GDF7: variants seen among roughly 807,000 people sequenced by gnomAD.
GDF7 encodes the protein growth/differentiation factor 7.
GDF7 carries 12 observed loss-of-function variants against 13.4 expected under a neutral mutation model. The observed-to-expected ratio is 0.90, with a 90% CI of 0.57 to 1.45. The LOEUF (loss-of-function observed/expected upper bound fraction) is 1.45. GDF7 is among the 40% of genes most tolerant of loss of function. The pLI is 0.00. For synonymous variants in GDF7, 330 were observed against 306.4 expected (o/e 1.08, Z -0.80); for missense variants, 651 against 652.4 (o/e 1.00, Z 0.02).
rs1662211619 is a variant in GDF7, at chr2:20,675,863, G to T, written c.*4438G>T. 6.6e-6 allele frequency: 1 copy of T among 152,356 alleles called. No individual in the cohort carries two copies. The highest frequency in any genetic ancestry group is 6.5e-5 in the Admixed American group (1 of 15,282). The allele number at this position is 152,356 out of a possible 1,614,324, so 9.4% of individuals were successfully genotyped here. A position where few individuals can be genotyped will look rare whatever the true frequency, so the allele number is the denominator to read the frequency against. On this transcript the variant is annotated 3_prime_UTR_variant, in exon 2 of 2. Coordinates refer to ENST00000272224, the MANE Select transcript of GDF7 (RefSeq NM_182828.4). ...TTTGAATTCCCCTGGGCTGAGGTAG[G>T]TGTGGGGAGGGCCCGCACCTTGAGG...
At position 20,673,486 on chromosome 2, in the gene GDF7, A is replaced by T. The variant is rs565326421; in HGVS notation, c.*2061A>T. The T allele has an allele frequency of 2.4e-4, 37 of 152,242 alleles. No homozygotes were observed. The highest frequency in any genetic ancestry group is 8.7e-4 in the African/African-American group (36 of 41,498). 9.4% of individuals were successfully genotyped at this position (152,242 alleles called of 1,614,324 possible). Reference sequence around the variant, plus strand: ...TTGTCATAATGAAGAATTATATATTAAAAAAAGCACTGAAGTGTTGAAAGT... The same window carrying T: ...TTGTCATAATGAAGAATTATATATTTAAAAAAGCACTGAAGTGTTGAAAGT... On this transcript the variant is annotated 3_prime_UTR_variant, in exon 2 of 2. Coordinates refer to ENST00000272224, the MANE Select transcript of GDF7 (RefSeq NM_182828.4).
chr2:20,667,458 G>C lies in GDF7; in HGVS notation c.219G>C (p.Ala73=), dbSNP rs746151542. The C allele has an allele frequency of 8.1e-5, 95 of 1,169,852 alleles. No individual in the cohort carries two copies. Among genetic ancestry groups the C allele is most frequent in the Non-Finnish European group, 9.6e-5 (90 of 942,348 alleles). The allele number at this position is 1,169,852 out of a possible 1,614,324, so 72.5% of individuals were successfully genotyped here. Residue 73 remains alanine (A), a synonymous_variant, in exon 1 of 2, where the codon GCG becomes GCC. Coordinates refer to ENST00000272224, the MANE Select transcript of GDF7 (RefSeq NM_182828.4). The surrounding 1 kb of genome is among the most constrained non-coding windows in gnomAD (Gnocchi z 6.4). ...PAAAVPRARA[A]RRAAGSGFRN... ...CCGCGGTTCCCCGGGCCCGCGCCGC[G>C]CGCCGCGCCGCGGGCTCCGGCTTCA...
In GDF7 at chr2:20,676,418, TCTGTG is replaced by T. The variant is rs1156232818; in HGVS notation, c.*4998_*5002del. ...GCTGCAGCACAGCTGTCTTCCTCCCTCTGTGCTGTTCTGGACTTTAATCTGTGTGC... is the reference window on the plus strand; with the variant it reads ...GCTGCAGCACAGCTGTCTTCCTCCCTCTGTTCTGGACTTTAATCTGTGTGC... On this transcript the variant is annotated 3_prime_UTR_variant, in exon 2 of 2. Coordinates refer to ENST00000272224, the MANE Select transcript of GDF7 (RefSeq NM_182828.4). 1 of 152,238 alleles carries T rather than the reference TCTGTG, an allele frequency of 6.6e-6. No homozygotes were observed. Among genetic ancestry groups the T allele is most frequent in the Non-Finnish European group, 1.5e-5 (1 of 68,042 alleles). The allele number at this position is 152,238 out of a possible 1,614,324, so 9.4% of individuals were successfully genotyped here.
rs1310522505 is a variant in GDF7 at position 20,673,983 on chromosome 2, G to A, written c.*2558G>A. ...TGGCATCTCAGTCCATTCACTAGGT[G>A]AATGCAGAGGATCCATTTCACTTGT... On this transcript the variant is annotated 3_prime_UTR_variant, in exon 2 of 2. Transcript: ENST00000272224. 1 of 152,256 alleles carries A rather than the reference G, an allele frequency of 6.6e-6. No homozygotes were observed. The highest frequency in any genetic ancestry group is 1.9e-4 in the East Asian group (1 of 5,202). 9.4% of individuals were successfully genotyped at this position (152,256 alleles called of 1,614,324 possible).
At chr2:20,670,337 C>A in intron 1 of GDF7, 127 bp from the exon 2 acceptor site, 1 of 1,072,076 alleles carries the variant, frequency 9.3e-7, no homozygotes, top group Non-Finnish European at 1.3e-6. Flanking sequence ...CGGGCGCTGG[C>A]TCCAACAGGC....
rs1662212515 is a variant in GDF7 at position 20,675,933 on chromosome 2, C to G, written c.*4508C>G. 1 of 152,314 alleles carries G rather than the reference C, an allele frequency of 6.6e-6. No homozygotes were observed. The highest frequency in any genetic ancestry group is 1.5e-5 in the Non-Finnish European group (1 of 68,132). 9.4% of individuals were successfully genotyped at this position (152,314 alleles called of 1,614,324 possible). A position where few individuals can be genotyped will look rare whatever the true frequency, so the allele number is the denominator to read the frequency against. ...AGCCAGGAGCTGGCTGAGGGCACTG[C>G]CCATCCAGCTGCAGTTCCTCCTGTG... On this transcript the variant is annotated 3_prime_UTR_variant, in exon 2 of 2. Coordinates refer to ENST00000272224, the MANE Select transcript of GDF7 (RefSeq NM_182828.4).
At position 20,670,629 on chromosome 2, in the gene GDF7, C is replaced by G; in HGVS notation, c.557C>G (p.Pro186Arg). The change falls in exon 2 of 2, where the codon CCG (proline) becomes CGG (arginine). Residue 186 changes from proline to arginine, a missense_variant. Pro to Arg is a moderately radical substitution (Grantham distance 103). Transcript: ENST00000272224. ...CCGTTGCTGCTGCTGTCCACGTGCC[C>G]GGGCGCCGCCCGAGCGCCACGCCTG... ...SPPLLLLSTC[P>R]GAARAPRLLY... 1.3e-6 allele frequency: 2 copies of G among 1,567,396 alleles called. No homozygotes were observed. Among genetic ancestry groups the G allele is most frequent in the Non-Finnish European group, 1.7e-6 (2 of 1,159,988 alleles).
Position 20,676,997 on chromosome 2 carries a change from G to A in GDF7, c.*5572G>A, listed in dbSNP as rs1662239201. ...CGCATGTGTCTGTGACAACAGAAAGGGTGGGTTTCTCTCACACGTTTCCCT... is the reference window on the plus strand; with the variant it reads ...CGCATGTGTCTGTGACAACAGAAAGAGTGGGTTTCTCTCACACGTTTCCCT... On this transcript the variant is annotated 3_prime_UTR_variant, in exon 2 of 2. Coordinates refer to ENST00000272224, the MANE Select transcript of GDF7 (RefSeq NM_182828.4). 1 of 152,238 alleles carries A rather than the reference G, an allele frequency of 6.6e-6. No individual in the cohort carries two copies. The highest frequency in any genetic ancestry group is 1.5e-5 in the Non-Finnish European group (1 of 68,062). The allele number at this position is 152,238 out of a possible 1,614,324, so 9.4% of individuals were successfully genotyped here.
At position 20,676,417 on chromosome 2, in the gene GDF7, C is replaced by T. The variant is rs1390222013; in HGVS notation, c.*4992C>T. 1 of 152,278 alleles carries T rather than the reference C, an allele frequency of 6.6e-6. No homozygotes were observed. Among genetic ancestry groups the T allele is most frequent in the Non-Finnish European group, 1.5e-5 (1 of 68,056 alleles). The allele number at this position is 152,278 out of a possible 1,614,324, so 9.4% of individuals were successfully genotyped here. A position where few individuals can be genotyped will look rare whatever the true frequency, so the allele number is the denominator to read the frequency against. ...GGCTGCAGCACAGCTGTCTTCCTCC[C>T]TCTGTGCTGTTCTGGACTTTAATCT... On this transcript the variant is annotated 3_prime_UTR_variant, in exon 2 of 2. Coordinates refer to ENST00000272224, the MANE Select transcript of GDF7 (RefSeq NM_182828.4).
In GDF7 at chr2:20,674,128, C is replaced by G. The variant is rs1299598576; in HGVS notation, c.*2703C>G. On this transcript the variant is annotated 3_prime_UTR_variant, in exon 2 of 2. Coordinates refer to ENST00000272224, the MANE Select transcript of GDF7 (RefSeq NM_182828.4). ...GTTCTGCCAGCACAGTTGGTAGTAG[C>G]ACCCTGAGCTCTCTGTCTTCTAGGT... The G allele has an allele frequency of 1.3e-5, 2 of 152,220 alleles. No homozygotes were observed. The highest frequency in any genetic ancestry group is 4.8e-5 in the African/African-American group (2 of 41,456). The allele number at this position is 152,220 out of a possible 1,614,324, so 9.4% of individuals were successfully genotyped here.
chr2:20,677,742 C>G lies in GDF7; in HGVS notation c.*6317C>G, dbSNP rs897763664. ...CACCGAAGCTGGTGAGCTGGTGCAA[C>G]TGCACACACCTTTTCTCTGGTTTTT... On this transcript the variant is annotated 3_prime_UTR_variant, in exon 2 of 2. Transcript: ENST00000272224. 1.3e-5 allele frequency: 2 copies of G among 152,276 alleles called. No individual in the cohort carries two copies. Among genetic ancestry groups the G allele is most frequent in the African/African-American group, 4.8e-5 (2 of 41,474 alleles). 9.4% of individuals were successfully genotyped at this position (152,276 alleles called of 1,614,324 possible). A position where few individuals can be genotyped will look rare whatever the true frequency, so the allele number is the denominator to read the frequency against.
rs1553327135 is a variant in GDF7, at chr2:20,667,459, CG to C, written c.221del (p.Arg74ProfsTer19). On this transcript the variant is annotated frameshift_variant, in exon 1 of 2. Coordinates refer to ENST00000272224, the MANE Select transcript of GDF7 (RefSeq NM_182828.4). LOFTEE classifies it high-confidence loss of function. The surrounding 1 kb of genome is among the most constrained non-coding windows in gnomAD (Gnocchi z 6.4). ...CGCGGTTCCCCGGGCCCGCGCCGCG[CG>C]CCGCGCCGCGGGCTCCGGCTTCAGG... ...AAAVPRARAA[R>X]RAAGSGFRNG... 1 of 1,174,234 alleles carries C rather than the reference CG, an allele frequency of 8.5e-7. No individual in the cohort carries two copies. The highest frequency in any genetic ancestry group is 1.1e-6 in the Non-Finnish European group (1 of 944,228). 72.7% of individuals were successfully genotyped at this position (1,174,234 alleles called of 1,614,324 possible). A position where few individuals can be genotyped will look rare whatever the true frequency, so the allele number is the denominator to read the frequency against.
rs910089661 is a variant in GDF7 at position 20,676,681 on chromosome 2, C to T, written c.*5256C>T. The stretch of plus-strand genomic sequence containing the variant: ...CTGCCCATGACCTGCAGGTACCCAC[C>T]TTAACCAGAGCTTGGCTTGTGGCCT... On this transcript the variant is annotated 3_prime_UTR_variant, in exon 2 of 2. Transcript: ENST00000272224. The T allele has an allele frequency of 3.9e-5, 6 of 152,256 alleles. No individual in the cohort carries two copies. The highest frequency in any genetic ancestry group is 1.4e-4 in the African/African-American group (6 of 41,464). The allele number at this position is 152,256 out of a possible 1,614,324, so 9.4% of individuals were successfully genotyped here.
Position 20,676,024 on chromosome 2 carries a change from C to G in GDF7, c.*4599C>G, listed in dbSNP as rs1326852785. ...CTGAGAGACCTAGTGCTGGGAAGGG[C>G]TCTACCTGCTGCTGGGGCCTCTGCA... is the stretch of plus-strand genomic sequence containing the variant. On this transcript the variant is annotated 3_prime_UTR_variant, in exon 2 of 2. Coordinates refer to ENST00000272224, the MANE Select transcript of GDF7 (RefSeq NM_182828.4). 6.6e-6 allele frequency: 1 copy of G among 152,560 alleles called. No homozygotes were observed. The highest frequency in any genetic ancestry group is 1.9e-4 in the East Asian group (1 of 5,174). The allele number at this position is 152,560 out of a possible 1,614,324, so 9.5% of individuals were successfully genotyped here.
rs759625476 is a variant in GDF7, at chr2:20,670,752, C to G, written c.680C>G (p.Pro227Arg). The G allele has an allele frequency of 1.3e-5, 19 of 1,485,084 alleles. No homozygotes were observed. In the Middle Eastern group the frequency reaches 6.1e-4, roughly 48 times the overall value. The allele number at this position is 1,485,084 out of a possible 1,614,324, so 92.0% of individuals were successfully genotyped here. The change falls in exon 2 of 2, where the codon CCC becomes CGC. Residue 227 changes from proline to arginine, a missense_variant. By Grantham distance (103) the Pro-to-Arg change is moderately radical. This residue lies in a region of GDF7 where 487 missense variants were observed against 445.9 expected (regional missense o/e 1.09). Coordinates refer to ENST00000272224, the MANE Select transcript of GDF7 (RefSeq NM_182828.4). ...MRRHRREPRP[P>R]RAFCLLLRAV... ...CGCCACCGTCGTGAACCGCGCCCCC[C>G]CCGCGCGTTCTGCCTCTTGCTGCGC... is the stretch of plus-strand genomic sequence containing the variant.
Position 20,671,477 on chromosome 2 carries a change from A to G in GDF7, c.*52A>G, listed in dbSNP as rs1430438671. ...CGCGGCCGAGGATCCCCAGCTGATG[A>G]GCAGCAGCGGGCCACCCTGTCACCG... On this transcript the variant is annotated 3_prime_UTR_variant, in exon 2 of 2. Coordinates refer to ENST00000272224, the MANE Select transcript of GDF7 (RefSeq NM_182828.4). 2.6e-6 allele frequency: 4 copies of G among 1,566,118 alleles called. No homozygotes were observed. In the East Asian group the frequency reaches 9.2e-5, roughly 36 times the overall value.
At position 20,667,744 on chromosome 2, in the gene GDF7, C is replaced by G; in HGVS notation, c.391+114C>G. On this transcript the variant is annotated intron_variant, in intron 1 of 1. Transcript: ENST00000272224. The surrounding 1 kb of genome is among the most constrained non-coding windows in gnomAD (Gnocchi z 6.4). ...GAGCCGCGGCCCCATGCGGCCCACC[C>G]TCAGGTGATAGAAAGAAACTTCGCC... The G allele has an allele frequency of 1.3e-6, 1 of 751,838 alleles. No individual in the cohort carries two copies. 46.6% of individuals were successfully genotyped at this position (751,838 alleles called of 1,614,324 possible).
intron 1 of GDF7, 103 bp from the exon 2 acceptor site, chr2:20,670,361 C>G (rs1385238261): frequency 1.6e-6 from 2 of 1,270,070 alleles, no homozygotes; most frequent in Non-Finnish European, 2.1e-6. Flanking sequence ...GCTCCCACAT[C>G]GAAGACAGCT....
At position 20,670,606 on chromosome 2, in the gene GDF7, G is replaced by T. The variant is rs1275391191; in HGVS notation, c.534G>T (p.Pro178=). 15 of 1,591,096 alleles carry T rather than the reference G, an allele frequency of 9.4e-6. No individual in the cohort carries two copies. The highest frequency in any genetic ancestry group is 1.2e-5 in the Non-Finnish European group (14 of 1,171,166). ...GCCCAGGCAGCTGGACTTCTCCGCC[G>T]TTGCTGCTGCTGTCCACGTGCCCGG... ...ESGPGSWTSP[P]LLLLSTCPGA... is the part of the protein sequence containing the mutation. The change falls in exon 2 of 2, where the codon CCG becomes CCT. Residue 178 remains proline (P), a synonymous_variant. Coordinates refer to ENST00000272224, the MANE Select transcript of GDF7 (RefSeq NM_182828.4).
Sources: gnomAD v4.1 joint callset for allele counts on GRCh38, gnomAD v4.1.1 for gene constraint, gnomAD v4.1.1 regional missense constraint, Gnocchi (gnomAD v3.1) non-coding constraint, MANE v1.5 for transcripts, NCBI Gene and HGNC (gene_info 2026-07-23, HGNC 2026-07-21) for gene names.